The following MANBA variants were observed in gnomAD, a reference collection of about 807,000 sequenced individuals.
The protein encoded by MANBA is beta-mannosidase.
MANBA carries 83 observed loss-of-function variants against 111.1 expected under a neutral mutation model. The ratio of observed to expected loss-of-function variants is 0.75; its 90% CI spans 0.63 to 0.90. MANBA has a LOEUF of 0.90. Among genes scored for constraint, MANBA ranks in the 40% least tolerant of loss-of-function variants. MANBA has a pLI of 0.00. For synonymous variants in MANBA, 370 were observed against 378.7 expected, an observed-to-expected ratio of 0.98 and a Z score of 0.27; for missense variants, 1,036 against 1,069.0, an observed-to-expected ratio of 0.97 and a Z score of 0.43.
At chr4:102,699,342 C>G (rs1402603541) in intron 5 of MANBA, among the ~76,000 whole-genome samples, 3 of 151,212 alleles carry the variant, frequency 2.0e-5, no homozygotes, top group Non-Finnish European at 4.4e-5. Context: ...AATTGAATAC[C>G]CTTTATTTCC....
intron 12 of MANBA, among the ~76,000 whole-genome samples, chr4:102,655,353 G>A (rs1337359708): frequency 6.6e-6 from 1 of 152,072 alleles, no homozygotes; most frequent in Non-Finnish European, 1.5e-5. Context: ...ACCCAGGATA[G>A]TAAAAAGAAA....
In MANBA at chr4:102,639,794, C is replaced by G; in HGVS notation, c.1933G>C (p.Val645Leu). ...EFYRRSRSEI[V>L]DQQGHTMGAL... ...CCCATCGTGTGCCCTTGCTGATCCA[C>G]TATCTCGCTGCGACTACGGCGGTAG... Residue 645 changes from valine to leucine, a missense_variant, in exon 14 of 17, where the codon GTG becomes CTG. Val to Leu is a conservative substitution (Grantham distance 32). Transcript: ENST00000647097. 1.2e-6 allele frequency: 2 copies of G among 1,614,166 alleles called. No homozygotes were observed. The highest frequency in any genetic ancestry group is 4.5e-5 in the East Asian group (2 of 44,886).
At chr4:102,698,685 C>T (rs542415446) in intron 5 of MANBA, among the ~76,000 whole-genome samples, 1 of 152,104 alleles carries the variant, frequency 6.6e-6, no homozygotes, top group African/African-American at 2.4e-5. Flanking sequence ...AGCGTTATTT[C>T]TGAGGGCTCT....
chr4:102,650,431 G>T, intron 13 of MANBA, 106 bp downstream of exon 13: 1 of 1,134,536 alleles, frequency 8.8e-7, no homozygotes, highest in Non-Finnish European at 1.3e-6. Context: ...CTTAACCAGT[G>T]GAATGAAAAC....
chr4:102,718,105 G>A lies in MANBA; in HGVS notation c.550-3544C>T, dbSNP rs564273637. ...GAGGTACTATTCACATCATCAAGAG[G>A]ACTAAGCAATAGATTGGAAGAGAGA... is the stretch of plus-strand genomic sequence containing the variant. On this transcript the variant is annotated intron_variant, in intron 4 of 16. Coordinates refer to ENST00000647097, the MANE Select transcript of MANBA (RefSeq NM_005908.4). Among the ~76,000 whole-genome samples, 95 of 152,320 alleles carry A rather than the reference G, an allele frequency of 6.2e-4. 1 individual carries two copies. Among genetic ancestry groups the A allele is most frequent in the African/African-American group, 2.2e-3 (92 of 41,578 alleles).
At chr4:102,729,594 A>C in intron 1 of MANBA, 1 of 909,524 alleles carries the variant, frequency 1.1e-6, no homozygotes, top group Non-Finnish European at 1.9e-6. Flanking sequence ...GATGAGGACA[A>C]ATTCATTCTC....
intron 1 of MANBA, chr4:102,730,623 G>C: frequency 5.5e-6 from 3 of 541,938 alleles, no homozygotes; most frequent in South Asian, 4.1e-5. Context: ...TGCCATTGCT[G>C]TCTGAGGCCG....
Position 102,657,704 on chromosome 4 carries a change from G to A in MANBA, c.1682C>T (p.Pro561Leu), listed in dbSNP as rs147023714. ...TACCTTTTCTAATGTACTGAAGGAC[G>A]GCCAGGACTGATATCCATATTCAGA... ...FASEYGYQSW[P>L]SFSTLEKVSS... Residue 561 changes from proline (P) to leucine (L), a missense_variant, in exon 12 of 17, where the codon CCG becomes CTG. By Grantham distance (98) the Pro-to-Leu change is moderately conservative. Transcript: ENST00000647097. 3.5e-4 allele frequency: 565 copies of A among 1,612,100 alleles called. No individual in the cohort carries two copies. The highest frequency in any genetic ancestry group is 4.4e-4 in the Non-Finnish European group (521 of 1,178,272).
intron 7 of MANBA, among the ~76,000 whole-genome samples, chr4:102,677,512 A>C (rs2110229948): frequency 6.6e-6 from 1 of 152,348 alleles, no homozygotes; most frequent in South Asian, 2.1e-4. Flanking sequence ...TAATATGGGT[A>C]AAGAATTCAC....
At chr4:102,729,234 G>A (rs1722930603) in intron 1 of MANBA, 1 of 741,708 alleles carries the variant, frequency 1.3e-6, no homozygotes, top group East Asian at 2.6e-5. Context: ...GCTGGCTGAT[G>A]TTCCGGTTCA....
intron 11 of MANBA, among the ~76,000 whole-genome samples, chr4:102,660,258 A>G (rs1003446129): frequency 6.6e-6 from 1 of 151,766 alleles, no homozygotes; most frequent in East Asian, 1.9e-4. Context: ...AGTAGTAGCA[A>G]CTCTACATTC....
chr4:102,636,078 C>T, intron 14 of MANBA, 71 bp from the exon 15 acceptor site: 1 of 1,375,106 alleles, frequency 7.3e-7, no homozygotes, highest in South Asian at 1.2e-5. Flanking sequence ...AATGGCCCAG[C>T]TGTTTGTGGC....
Position 102,689,348 on chromosome 4 carries a change from CAAA to C in MANBA, c.960+223_960+225del, listed in dbSNP as rs35110858. Among the ~76,000 whole-genome samples the C allele has an allele frequency of 0.038, 4,995 of 130,266 alleles. 122 individuals carry two copies. Among genetic ancestry groups the C allele is most frequent in the African/African-American group, 0.069 (2,355 of 33,978 alleles). 85.5% of individuals were successfully genotyped at this position (130,266 alleles called of 152,430 possible). ...TGAGTGACAGAGCAAGACTCTGTCT[CAAA>C]AAAAAAAAATATATATATATATATA... On this transcript the variant is annotated intron_variant, in intron 7 of 16. Coordinates refer to ENST00000647097, the MANE Select transcript of MANBA (RefSeq NM_005908.4).
chr4:102,688,386 T>TAC (rs70937563), intron 7 of MANBA, among the ~76,000 whole-genome samples: 2,844 of 140,534 alleles, frequency 0.02, 62 homozygotes, highest in African/African-American at 0.054. Flanking sequence ...CCTCCCCCCT[T>TAC]ACACACACAC....
intron 1 of MANBA, 67 bp downstream of exon 1, chr4:102,760,651 C>T: frequency 6.8e-7 from 1 of 1,462,050 alleles, no homozygotes; most frequent in African/African-American, 1.4e-5. Context: ...CCAGGCGGTT[C>T]CTGGGCCCCT....
intron 4 of MANBA, among the ~76,000 whole-genome samples, chr4:102,716,081 G>A (rs562413303): frequency 8.6e-4 from 131 of 152,038 alleles, no homozygotes; most frequent in African/African-American, 3.0e-3. Flanking sequence ...AGGCCGAGGC[G>A]GGTGGATCAT....
chr4:102,660,216 C>T (rs1730869661), intron 11 of MANBA, among the ~76,000 whole-genome samples: 2 of 152,228 alleles, frequency 1.3e-5, no homozygotes, highest in South Asian at 4.1e-4. Context: ...TTCAATTTCT[C>T]CCTCTCTTAC....
At chr4:102,643,710 C>T (rs1201543269) in intron 13 of MANBA, among the ~76,000 whole-genome samples, 1 of 152,058 alleles carries the variant, frequency 6.6e-6, no homozygotes, top group Non-Finnish European at 1.5e-5. Context: ...AGTGTTTATT[C>T]AAAGCCTTTA....
chr4:102,680,755 T>C (rs148511047), intron 7 of MANBA, among the ~76,000 whole-genome samples: 1 of 152,234 alleles, frequency 6.6e-6, no homozygotes, highest in Non-Finnish European at 1.5e-5. Context: ...TCCTGGCCCA[T>C]AGCAGAGGTT....
Sources: allele counts gnomAD v4.1 joint callset (sites outside exome capture counted in the v4.1 genomes callset), GRCh38; gene constraint gnomAD v4.1.1; transcripts MANE v1.5; gene names NCBI Gene and HGNC (gene_info 2026-07-23, HGNC 2026-07-21).